SETD7: variants seen among roughly 807,000 people sequenced by gnomAD.
The protein encoded by SETD7 is histone-lysine N-methyltransferase SETD7.
A neutral mutation model predicts 41.8 loss-of-function variants in SETD7; 16 were observed. The ratio of observed to expected loss-of-function variants is 0.38; its 90% confidence interval spans 0.26 to 0.58. The LOEUF (loss-of-function observed/expected upper bound fraction) is 0.58. Ranked by LOEUF, SETD7 falls within the 20% of genes least tolerant of loss-of-function variation. The pLI is 0.64. For synonymous variants in SETD7, 163 were observed against 169.7 expected, an observed-to-expected ratio of 0.96 and a Z score of 0.31; for missense variants, 346 against 459.7, an observed-to-expected ratio of 0.75 and a Z score of 2.26.
At chr4:139,513,232 C>T (rs930444456) in intron 7 of SETD7, among the ~76,000 whole-genome samples, 1 of 151,528 alleles carries the variant, frequency 6.6e-6, no homozygotes, top group African/African-American at 2.4e-5. Flanking sequence ...CCAGCCTGGC[C>T]AATGTGGTGA....
chr4:139,498,058 G>A (rs1481907218), intron 7 of SETD7, among the ~76,000 whole-genome samples: 3 of 152,212 alleles, frequency 2.0e-5, no homozygotes, highest in African/African-American at 7.2e-5. Flanking sequence ...CATCAGTGGT[G>A]ACCGTTATTT....
At chr4:139,534,581 G>A (rs1424131542) in intron 2 of SETD7, among the ~76,000 whole-genome samples, 1 of 151,966 alleles carries the variant, frequency 6.6e-6, no homozygotes, top group African/African-American at 2.4e-5. Flanking sequence ...GTAGAGATGA[G>A]GTTTTGTCAT....
In SETD7 at chr4:139,533,281, A is replaced by G. The variant is rs1727539092; in HGVS notation, c.256T>C (p.Tyr86His). 1 of 1,614,156 alleles carries G rather than the reference A, an allele frequency of 6.2e-7. No individual in the cohort carries two copies. ...GGACCGTTCAGCTCTCCGTCTACAT[A>G]CGTGCCCTGGAGAACTCCCCCATCT... is the stretch of plus-strand genomic sequence containing the variant. ...YEDGGVLQGT[Y>H]VDGELNGPAQ... Residue 86 changes from tyrosine to histidine, a missense_variant, in exon 3 of 8, where the codon TAT (tyrosine) becomes CAT (histidine). Physicochemically the swap from Tyr to His is moderately conservative, Grantham distance 83. Transcript: ENST00000274031.
chr4:139,516,809 C>T (rs922418681), intron 7 of SETD7, among the ~76,000 whole-genome samples: 2 of 152,034 alleles, frequency 1.3e-5, no homozygotes, highest in African/African-American at 2.4e-5. Flanking sequence ...ATACAAAATT[C>T]GGCAACCATC....
At chr4:139,530,476 G>T (rs1727453868) in intron 3 of SETD7, among the ~76,000 whole-genome samples, 1 of 151,496 alleles carries the variant, frequency 6.6e-6, no homozygotes, top group Non-Finnish European at 1.5e-5. Context: ...AAGTGCACTA[G>T]GGATATAGTC....
chr4:139,493,257 G>A (rs1419647517), downstream of SETD7, among the ~76,000 whole-genome samples: 4 of 152,220 alleles, frequency 2.6e-5, no homozygotes, highest in African/African-American at 9.6e-5. Flanking sequence ...GATGAGGGCG[G>A]TGTGAGTCAA....
chr4:139,552,784 C>T (rs116667392), intron 1 of SETD7, among the ~76,000 whole-genome samples: 1,724 of 152,270 alleles, frequency 0.011, 28 homozygotes, highest in African/African-American at 0.04. Flanking sequence ...AAAATCTTTC[C>T]CCTTTGACTT....
downstream of SETD7, among the ~76,000 whole-genome samples, chr4:139,504,354 T>A (rs1425752259): frequency 6.6e-6 from 1 of 152,222 alleles, no homozygotes; most frequent in Non-Finnish European, 1.5e-5. Flanking sequence ...CACTATGTCG[T>A]GAGGGAATTA....
At chr4:139,549,611 CCTTT>C (rs1728055156) in intron 1 of SETD7, among the ~76,000 whole-genome samples, 1 of 151,636 alleles carries the variant, frequency 6.6e-6, no homozygotes, top group African/African-American at 2.4e-5. Flanking sequence ...CTTCCTCCTT[CCTTT>C]ATTTTTTAGA....
At position 139,507,148 on chromosome 4, in the gene SETD7, G is replaced by A. The variant is rs897240388; in HGVS notation, c.*4515C>T. 1 of 152,826 alleles carries A rather than the reference G, an allele frequency of 6.5e-6. No individual in the cohort carries two copies. The highest frequency in any genetic ancestry group is 1.5e-5 in the Non-Finnish European group (1 of 68,186). The allele number at this position is 152,826 out of a possible 1,614,324, so 9.5% of individuals were successfully genotyped here. A position where few individuals can be genotyped will look rare whatever the true frequency, so the allele number is the denominator to read the frequency against. On this transcript the variant is annotated 3_prime_UTR_variant, in exon 8 of 8. Transcript: ENST00000274031. ...AAGGGTGGCGGTTGATGGCGGCCGGGAAACCGAGTTTCGAGGTTCACATGG... is the reference window on the plus strand; with the variant it reads ...AAGGGTGGCGGTTGATGGCGGCCGGAAAACCGAGTTTCGAGGTTCACATGG...
chr4:139,551,253 T>C (rs1018324514), intron 1 of SETD7, among the ~76,000 whole-genome samples: 1 of 152,246 alleles, frequency 6.6e-6, no homozygotes, highest in Non-Finnish European at 1.5e-5. Flanking sequence ...TCCAGGCGAG[T>C]TCCCACTGAA....
rs1726833150 is a variant in SETD7 at position 139,510,246 on chromosome 4, G to T, written c.*1417C>A. On this transcript the variant is annotated 3_prime_UTR_variant, in exon 8 of 8. Transcript: ENST00000274031. The stretch of plus-strand genomic sequence containing the variant: ...AATCACAGCTGACAGCTACAGATCA[G>T]CACAACAGCTGCTCTCCAGTCCTTC... 5 of 7,980 alleles carry T rather than the reference G, an allele frequency of 6.3e-4. No individual in the cohort carries two copies. The allele number at this position is 7,980 out of a possible 1,614,324, so 0.5% of individuals were successfully genotyped here.
chr4:139,543,719 A>G lies in SETD7; in HGVS notation c.170+3201T>C, dbSNP rs149862092. 2.6e-4 allele frequency among the ~76,000 whole-genome samples: 40 copies of G among 151,568 alleles called. No homozygotes were observed. The East Asian group carries it at 7.0e-3, about 27-fold the overall frequency. ...CGTAATCCCAGCACTTTGGAAGGCCAAGGCGGGCGGATCACGAGGTCAGGA... is the reference window on the plus strand; with the variant it reads ...CGTAATCCCAGCACTTTGGAAGGCCGAGGCGGGCGGATCACGAGGTCAGGA... On this transcript the variant is annotated intron_variant, in intron 2 of 7. Coordinates refer to ENST00000274031, the MANE Select transcript of SETD7 (RefSeq NM_030648.4).
At chr4:139,544,707 G>A (rs1292082327) in intron 2 of SETD7, among the ~76,000 whole-genome samples, 1 of 152,038 alleles carries the variant, frequency 6.6e-6, no homozygotes, top group Non-Finnish European at 1.5e-5. Flanking sequence ...AAGCAAGCAG[G>A]TAACCAACAC....
intron 1 of SETD7, among the ~76,000 whole-genome samples, chr4:139,551,055 C>G (rs575791487): frequency 6.6e-6 from 1 of 152,186 alleles, no homozygotes; most frequent in Non-Finnish European, 1.5e-5. Flanking sequence ...CCCCCAGGTC[C>G]CTGGCAGGGA....
At chr4:139,535,032 A>G (rs966194009) in intron 2 of SETD7, among the ~76,000 whole-genome samples, 8 of 152,206 alleles carry the variant, frequency 5.3e-5, no homozygotes, top group African/African-American at 1.9e-4. Flanking sequence ...CATGAAGAGA[A>G]TAAAGTGCAC....
intron 4 of SETD7, 54 bp from the exon 5 acceptor site, chr4:139,523,489 A>G: frequency 1.6e-6 from 2 of 1,268,940 alleles, no homozygotes; most frequent in Non-Finnish European, 2.3e-6. Flanking sequence ...AAGAGCATTT[A>G]TAACACTTCT....
rs750540859 is a variant in SETD7 at position 139,556,089 on chromosome 4, T to C, written c.40+9A>G. ...GCCTCCTCCCCCGGCCCCGGAGAAATGCTTGTACCTTCCACCGCCTCCTCC... is the reference window on the plus strand; with the variant it reads ...GCCTCCTCCCCCGGCCCCGGAGAAACGCTTGTACCTTCCACCGCCTCCTCC... On this transcript the variant is annotated intron_variant, in intron 1 of 7. Coordinates refer to ENST00000274031, the MANE Select transcript of SETD7 (RefSeq NM_030648.4). 4 of 1,599,556 alleles carry C rather than the reference T, an allele frequency of 2.5e-6. No individual in the cohort carries two copies. In the South Asian group the frequency reaches 4.5e-5, roughly 18 times the overall value.
chr4:139,526,046 T>TTTTGTTTGTTTG (rs140153702), intron 4 of SETD7, among the ~76,000 whole-genome samples: 2 of 150,984 alleles, frequency 1.3e-5, no homozygotes, highest in African/African-American at 4.9e-5. Context: ...TGTTGTTTGT[T>TTTTGTTTGTTTG]TTTGTTTGTT....
Sources: gnomAD v4.1 joint callset for allele counts (sites outside exome capture counted in the v4.1 genomes callset) on GRCh38, gnomAD v4.1.1 for gene constraint, MANE v1.5 for transcripts, NCBI Gene and HGNC (gene_info 2026-07-23, HGNC 2026-07-21) for gene names.